The following KEL variants were observed in gnomAD, a reference collection of about 807,000 sequenced individuals.
The protein encoded by KEL is Kell metallo-endopeptidase (Kell blood group), also known as kell blood group glycoprotein.
A neutral mutation model predicts 99.5 loss-of-function variants in KEL; 96 were observed. The ratio of observed to expected loss-of-function variants is 0.97; its 90% CI spans 0.82 to 1.14. The LOEUF (loss-of-function observed/expected upper bound fraction) is 1.14. KEL is among the 50% of genes most tolerant of loss of function. The probability of loss-of-function intolerance (pLI) is 0.00; values close to 1 mark genes in which losing one functional copy is unlikely to be tolerated. For synonymous variants in KEL, 355 were observed against 354.8 expected, an observed-to-expected ratio of 1.00 and a Z score of -0.01; for missense variants, 926 against 924.2, an observed-to-expected ratio of 1.00 and a Z score of -0.03.
At chr7:142,953,410 C>T (rs1006695991) in intron 9 of KEL, 15 of 982,540 alleles carry the variant, frequency 1.5e-5, no homozygotes, top group African/African-American at 1.7e-5. Flanking sequence ...ATCTCATGTG[C>T]CTCCTCCTCC....
At chr7:142,953,983 G>T in intron 8 of KEL, 27 bp from the exon 9 acceptor site, 2 of 1,611,722 alleles carry the variant, frequency 1.2e-6, no homozygotes, top group Non-Finnish European at 8.5e-7. Context: ...AAAGCTGAGG[G>T]GGAAAAGGAA....
At chr7:142,959,421 G>T (rs1268377024) in intron 4 of KEL, among the ~76,000 whole-genome samples, 1 of 152,074 alleles carries the variant, frequency 6.6e-6, no homozygotes, top group Non-Finnish European at 1.5e-5. Flanking sequence ...GAAAATAAAA[G>T]AAATGTGGGG....
Position 142,941,120 on chromosome 7 carries a change from G to C in KEL, c.*132C>G. 2.1e-6 allele frequency: 2 copies of C among 954,144 alleles called. No individual in the cohort carries two copies. Among genetic ancestry groups the C allele is most frequent in the Admixed American group, 3.9e-5 (2 of 51,112 alleles). 59.1% of individuals were successfully genotyped at this position (954,144 alleles called of 1,614,324 possible). On this transcript the variant is annotated 3_prime_UTR_variant, in exon 19 of 19. Transcript: ENST00000355265. ...ACATAGCAGGAACAAGTCATTAAGA[G>C]ACAAGCGGAAGCCAAGTGCCAGCTT...
chr7:142,959,819 A>G (rs967235296), intron 4 of KEL, among the ~76,000 whole-genome samples: 3 of 152,016 alleles, frequency 2.0e-5, no homozygotes, highest in Non-Finnish European at 2.9e-5. Context: ...TTTTCTTTTT[A>G]TCTCTGTGCC....
rs745862899 is a variant in KEL, at chr7:142,960,945, C to T, written c.383G>A (p.Arg128Gln). The change falls in exon 4 of 19, where the codon CGA (arginine) becomes CAA (glutamine). Residue 128 changes from arginine (R) to glutamine (Q), a missense_variant. Transcript: ENST00000355265. ...FQELATKNKN[R>Q]LRRILEVQNS... is the part of the protein sequence containing the mutation. ...TTCCTCACCCAGTATTCTCCGAAGT[C>T]GGTTTTTGTTCTTTGTGGCAAGCTC... 7 of 1,614,206 alleles carry T rather than the reference C, an allele frequency of 4.3e-6. No individual in the cohort carries two copies. Among genetic ancestry groups the T allele is most frequent in the East Asian group, 2.2e-5 (1 of 44,880 alleles).
rs1055913980 is a variant in KEL, at chr7:142,961,982, A to C, written c.4-110T>G. 4.4e-6 allele frequency: 7 copies of C among 1,607,676 alleles called. No homozygotes were observed. In the East Asian group the frequency reaches 8.9e-5, roughly 21 times the overall value. ...TACCCTCGCTGCCTGCCCTGCCCCC[A>C]CACACATATTTTTATCTCGGAGCAG... On this transcript the variant is annotated intron_variant, in intron 1 of 18. Coordinates refer to ENST00000355265, the MANE Select transcript of KEL (RefSeq NM_000420.3).
chr7:142,943,313 G>A lies in KEL; in HGVS notation c.1734C>T (p.Ile578=). The A allele has an allele frequency of 6.2e-7, 1 of 1,614,124 alleles. No homozygotes were observed. The highest frequency in any genetic ancestry group is 8.5e-7 in the Non-Finnish European group (1 of 1,180,000). The part of the protein sequence containing the change: ...RAVNFGAAGS[I]MAHELLHIFY... ...AGATGTGCAACAGCTCGTGGGCCAT[G>A]ATGCTGCCAGCAGCGCCAAAGTTCA... Residue 578 remains isoleucine (I), a synonymous_variant, in exon 16 of 19, where the codon ATC becomes ATT. Coordinates refer to ENST00000355265, the MANE Select transcript of KEL (RefSeq NM_000420.3).
Position 142,941,201 on chromosome 7 carries a change from C to G in KEL, c.*51G>C. The G allele has an allele frequency of 6.3e-7, 1 of 1,589,726 alleles. No homozygotes were observed. Among genetic ancestry groups the G allele is most frequent in the Non-Finnish European group, 8.6e-7 (1 of 1,157,980 alleles). The stretch of plus-strand genomic sequence containing the variant: ...CTTGCTCTGATTCCATGGATGTGAC[C>G]AGGGAGGTGTTGGTCGATATTTCTG... On this transcript the variant is annotated 3_prime_UTR_variant, in exon 19 of 19. Transcript: ENST00000355265.
intron 17 of KEL, 101 bp downstream of exon 17, chr7:142,942,774 C>T: frequency 1.4e-6 from 2 of 1,431,236 alleles, no homozygotes; most frequent in East Asian, 4.5e-5. Flanking sequence ...GGCAGAAAGC[C>T]ATGCAACTGT....
At chr7:142,958,040 G>A in intron 5 of KEL, 67 bp from the exon 6 acceptor site, 1 of 1,567,216 alleles carries the variant, frequency 6.4e-7, no homozygotes, top group Non-Finnish European at 8.7e-7. Context: ...GTCTGGATCG[G>A]CTCTTACACA....
rs569038967 is a variant in KEL at position 142,949,567 on chromosome 7, T to C, written c.1203+2942A>G. On this transcript the variant is annotated intron_variant, in intron 10 of 18. Transcript: ENST00000355265. The stretch of plus-strand genomic sequence containing the variant: ...GGATATGTGGCTGAAGGCAGGATTA[T>C]TTATTTGTCTTTTTTGTTCATTGCT... Among the ~76,000 whole-genome samples, 4 of 152,382 alleles carry C rather than the reference T, an allele frequency of 2.6e-5. No homozygotes were observed. The South Asian group carries it at 8.3e-4, about 32-fold the overall frequency.
chr7:142,945,981 T>A lies in KEL; in HGVS notation c.1314+226A>T. 8.6e-6 allele frequency: 5 copies of A among 584,614 alleles called. No homozygotes were observed. The South Asian group carries it at 1.0e-4, about 12-fold the overall frequency. 36.2% of individuals were successfully genotyped at this position (584,614 alleles called of 1,614,324 possible). On this transcript the variant is annotated intron_variant, in intron 11 of 18. Transcript: ENST00000355265. The stretch of plus-strand genomic sequence containing the variant: ...CACAAGACCAGGAAAGTTGGGTGAC[T>A]TGTCCAAGTGAGAGCATGTCATGGA...
rs1562965413 is a variant in KEL at position 142,961,004 on chromosome 7, AC to A, written c.323del (p.Cys108LeufsTer81). On this transcript the variant is annotated frameshift_variant, in exon 4 of 19. Coordinates refer to ENST00000355265, the MANE Select transcript of KEL (RefSeq NM_000420.3). LOFTEE classifies it high-confidence loss of function. ...AATTATTGGTCTCTTTGGCCCTTCCACAGGCAAAGCTGAAGAAGTCGGTGCA... is the reference window on the plus strand; with the variant it reads ...AATTATTGGTCTCTTTGGCCCTTCCAAGGCAAAGCTGAAGAAGTCGGTGCA... ...APCTDFFSFA[C>X]GRAKETNNSF... 6.2e-7 allele frequency: 1 copy of A among 1,614,202 alleles called. No individual in the cohort carries two copies. Among genetic ancestry groups the A allele is most frequent in the Non-Finnish European group, 8.5e-7 (1 of 1,180,036 alleles).
intron 9 of KEL, 59 bp from the exon 10 acceptor site, chr7:142,952,697 G>T: frequency 1.2e-6 from 2 of 1,600,682 alleles, no homozygotes; most frequent in South Asian, 1.1e-5. Flanking sequence ...GCTTCAAGAA[G>T]AGCCTCTCCT....
intron 10 of KEL, 36 bp downstream of exon 10, chr7:142,952,473 G>C (rs771430228): frequency 1.2e-6 from 2 of 1,612,164 alleles, no homozygotes; most frequent in Admixed American, 1.7e-5. Flanking sequence ...TACTCCTTTC[G>C]AGTATCTGGG....
Position 142,943,495 on chromosome 7 carries a change from C to T in KEL, c.1694G>A (p.Gly565Asp), listed in dbSNP as rs1486019990. ...GLLQPPFFHP[G>D]YPRAVNFGAA... is the part of the protein sequence containing the mutation. ...ACAGAGTGACCCATACCTGGGATAGCCAGGGTGGAAGAATGGGGGTTGGAG... is the reference window on the plus strand; with the variant it reads ...ACAGAGTGACCCATACCTGGGATAGTCAGGGTGGAAGAATGGGGGTTGGAG... Residue 565 changes from glycine (G) to aspartate (D), a missense_variant, in exon 15 of 19, where the codon GGC (glycine) becomes GAC (aspartate). Coordinates refer to ENST00000355265, the MANE Select transcript of KEL (RefSeq NM_000420.3). 7 of 1,613,516 alleles carry T rather than the reference C, an allele frequency of 4.3e-6. No individual in the cohort carries two copies. The African/African-American group carries it at 9.3e-5, about 22-fold the overall frequency.
At position 142,961,790 on chromosome 7, in the gene KEL, C is replaced by G. The variant is rs750107475; in HGVS notation, c.81+5G>C. 1.2e-6 allele frequency: 2 copies of G among 1,613,380 alleles called. No homozygotes were observed. The highest frequency in any genetic ancestry group is 1.7e-6 in the Non-Finnish European group (2 of 1,179,284). On this transcript the variant is annotated splice_donor_5th_base_variant and intron_variant, in intron 2 of 18. Coordinates refer to ENST00000355265, the MANE Select transcript of KEL (RefSeq NM_000420.3). ...ATTCCAGACCCAGGAGAGGAGGCCA[C>G]TTACCTCTTGGCTCCAGAGAGTTCC...
chr7:142,952,936 C>T (rs2116666890), intron 9 of KEL, among the ~76,000 whole-genome samples: 1 of 152,300 alleles, frequency 6.6e-6, no homozygotes, highest in East Asian at 1.9e-4. Context: ...TCTGCTTCCA[C>T]AGTCAAGATA....
intron 14 of KEL, 80 bp from the exon 15 acceptor site, chr7:142,943,676 C>A: frequency 7.0e-7 from 1 of 1,426,842 alleles, no homozygotes; most frequent in Non-Finnish European, 9.9e-7. Context: ...TCCCTCCCAA[C>A]TACCATTACT....
Sources: gnomAD v4.1 joint callset for allele counts (sites outside exome capture counted in the v4.1 genomes callset) on GRCh38, gnomAD v4.1.1 for gene constraint, MANE v1.5 for transcripts, NCBI Gene and HGNC (gene_info 2026-07-23, HGNC 2026-07-21) for gene names.